PRKAG2: variants seen among roughly 807,000 people sequenced by gnomAD.
The protein encoded by PRKAG2 is protein kinase AMP-activated non-catalytic subunit gamma 2.
A neutral mutation model predicts 69.6 loss-of-function variants in PRKAG2; 26 were observed. The observed-to-expected ratio is 0.37, with a 90% CI of 0.27 to 0.52. PRKAG2 has a LOEUF of 0.52. Ranked by LOEUF, PRKAG2 falls within the 20% of genes least tolerant of loss-of-function variation. PRKAG2 has a pLI of 0.90. For missense variants in PRKAG2, 557 were observed against 740.0 expected (o/e 0.75, Z 2.87); for synonymous variants, 293 against 285.0 (o/e 1.03, Z -0.28).
At chr7:151,824,125 A>C (rs2078855443) in intron 1 of PRKAG2, among the ~76,000 whole-genome samples, 1 of 152,228 alleles carries the variant, frequency 6.6e-6, no homozygotes, top group Non-Finnish European at 1.5e-5. Flanking sequence ...CTTTTGATTT[A>C]AAGTAAACTG....
At position 151,557,098 on chromosome 7, in the gene PRKAG2, C is replaced by G. The variant is rs1480265508; in HGVS notation, c.*103G>C. On this transcript the variant is annotated 3_prime_UTR_variant, in exon 16 of 16. Coordinates refer to ENST00000287878, the MANE Select transcript of PRKAG2 (RefSeq NM_016203.4). ...TGGAAGAAATACCTATTGTTAAACC[C>G]TGATATACATTCTTAACCACTTGCA... The G allele has an allele frequency of 5.7e-5, 89 of 1,553,214 alleles. 1 individual carries two copies. The highest frequency in any genetic ancestry group is 7.5e-5 in the Non-Finnish European group (84 of 1,125,250).
intron 1 of PRKAG2, among the ~76,000 whole-genome samples, chr7:151,821,617 T>TC (rs397737037): frequency 3.9e-5 from 6 of 152,112 alleles, no homozygotes; most frequent in Non-Finnish European, 8.8e-5. Context: ...CCATTTTTTT[T>TC]CTACAAATTG....
intron 3 of PRKAG2, among the ~76,000 whole-genome samples, chr7:151,760,412 T>A (rs12703152): frequency 0.17 from 26,201 of 152,162 alleles, 2,491 homozygotes; most frequent in South Asian, 0.27. Flanking sequence ...TTTTGTATTT[T>A]TAGTAGAGAC....
At chr7:151,702,207 G>C (rs975868739) in intron 3 of PRKAG2, among the ~76,000 whole-genome samples, 4 of 152,328 alleles carry the variant, frequency 2.6e-5, no homozygotes, top group Non-Finnish European at 5.9e-5. Flanking sequence ...TAAGAAAGAA[G>C]CAAAGGTTAA....
rs1387223223 is a variant in PRKAG2, at chr7:151,874,023, TG to T, written c.114+2483del. On this transcript the variant is annotated intron_variant, in intron 1 of 15. Coordinates refer to ENST00000287878, the MANE Select transcript of PRKAG2 (RefSeq NM_016203.4). ...ATGTATATGTATAAGTATATGTATA[TG>T]ATGTATATGTATATGATGTATATGT... Among the ~76,000 whole-genome samples, 42 of 131,594 alleles carry T rather than the reference TG, an allele frequency of 3.2e-4. No individual in the cohort carries two copies. In the South Asian group the frequency reaches 4.7e-3, roughly 15 times the overall value. 86.3% of individuals were successfully genotyped at this position (131,594 alleles called of 152,430 possible).
intron 1 of PRKAG2, among the ~76,000 whole-genome samples, chr7:151,858,201 G>A (rs1018430120): frequency 6.6e-6 from 1 of 152,102 alleles, no homozygotes; most frequent in Admixed American, 6.5e-5. Context: ...GAGACTGTGG[G>A]GCAGCCCAGC....
Position 151,828,279 on chromosome 7 carries a change from G to A in PRKAG2, c.115-41738C>T, listed in dbSNP as rs2078952170. 1.3e-5 allele frequency among the ~76,000 whole-genome samples: 2 copies of A among 152,206 alleles called. No individual in the cohort carries two copies. Among genetic ancestry groups the A allele is most frequent in the Admixed American group, 1.3e-4 (2 of 15,280 alleles). The stretch of plus-strand genomic sequence containing the variant: ...GTGGCATTCTGGGGGTTTTCAGAGA[G>A]TCCTGTAATGGATATCAAATCCTAG... On this transcript the variant is annotated intron_variant, in intron 1 of 15. Transcript: ENST00000287878. This position sits in a 1 kb window ranked among gnomAD's most constrained non-coding sequence, Gnocchi z 4.6.
chr7:151,562,833 T>C (rs1244137400), intron 14 of PRKAG2, among the ~76,000 whole-genome samples: 1 of 114,856 alleles, frequency 8.7e-6, no homozygotes, highest in Non-Finnish European at 1.8e-5. Flanking sequence ...CGGGCGCCTG[T>C]AGTCCCAGCT....
intron 3 of PRKAG2, among the ~76,000 whole-genome samples, chr7:151,763,773 C>T (rs1396690556): frequency 1.3e-5 from 2 of 152,246 alleles, no homozygotes; most frequent in Non-Finnish European, 2.9e-5. Context: ...CTGTCTGTCT[C>T]CAGATGCCGT....
At chr7:151,601,025 G>C (rs1815930590) in intron 5 of PRKAG2, among the ~76,000 whole-genome samples, 2 of 152,152 alleles carry the variant, frequency 1.3e-5, no homozygotes, top group African/African-American at 4.8e-5. Context: ...CTCTGTCCCA[G>C]GCTCCAGTAG....
At chr7:151,663,626 C>T (rs1047321421) in intron 4 of PRKAG2, among the ~76,000 whole-genome samples, 8 of 152,366 alleles carry the variant, frequency 5.3e-5, no homozygotes, top group Middle Eastern at 3.4e-3. Context: ...TCCTAGACCG[C>T]TGGGATTACA....
At chr7:151,596,678 G>A (rs1348160437) in intron 5 of PRKAG2, among the ~76,000 whole-genome samples, 1 of 152,186 alleles carries the variant, frequency 6.6e-6, no homozygotes, top group Non-Finnish European at 1.5e-5. Flanking sequence ...GAACCTGGGA[G>A]GCGGAGGTTG....
At chr7:151,731,572 T>C (rs1360006973) in intron 3 of PRKAG2, among the ~76,000 whole-genome samples, 1 of 151,840 alleles carries the variant, frequency 6.6e-6, no homozygotes, top group East Asian at 1.9e-4. Flanking sequence ...CGAGTGTGTA[T>C]CTCTTGACCC....
intron 5 of PRKAG2, among the ~76,000 whole-genome samples, chr7:151,612,331 A>G (rs886651349): frequency 2.0e-5 from 3 of 152,042 alleles, no homozygotes; most frequent in Non-Finnish European, 4.4e-5. Flanking sequence ...CCTTATCTGT[A>G]CTTGTGAAAT....
chr7:151,705,308 GA>G (rs1400186971), intron 3 of PRKAG2, among the ~76,000 whole-genome samples: 2 of 146,738 alleles, frequency 1.4e-5, no homozygotes, highest in Non-Finnish European at 3.0e-5. Context: ...CAACACCAAG[GA>G]AACAAGGGAT....
Position 151,632,483 on chromosome 7 carries a change from C to T in PRKAG2, c.685-345G>A, listed in dbSNP as rs1014783618. 4 of 821,950 alleles carry T rather than the reference C, an allele frequency of 4.9e-6. No homozygotes were observed. Among genetic ancestry groups the T allele is most frequent in the Non-Finnish European group, 5.9e-6 (4 of 681,672 alleles). The allele number at this position is 821,950 out of a possible 1,614,324, so 50.9% of individuals were successfully genotyped here. ...CAGCGCCTGGGCCCGGGGCGCCCCC[C>T]TCCGGCCGTGGCCCGCGTCCTCCCC... On this transcript the variant is annotated intron_variant, in intron 4 of 15. Transcript: ENST00000287878. This position sits in a 1 kb window ranked among gnomAD's most constrained non-coding sequence, Gnocchi z 4.2.
At position 151,780,526 on chromosome 7, in the gene PRKAG2, G is replaced by A. The variant is rs76176397; in HGVS notation, c.466+626C>T. Among the ~76,000 whole-genome samples, 5,692 of 152,250 alleles carry A rather than the reference G, an allele frequency of 0.037. 363 individuals are homozygous for A. Among genetic ancestry groups the A allele is most frequent in the African/African-American group, 0.13 (5,368 of 41,510 alleles). On this transcript the variant is annotated intron_variant, in intron 3 of 15. Coordinates refer to ENST00000287878, the MANE Select transcript of PRKAG2 (RefSeq NM_016203.4). This position sits in a 1 kb window ranked among gnomAD's most constrained non-coding sequence, Gnocchi z 4.2. ...TCGTGGTATATTTCATATTATCATC[G>A]ACGGCGCTCAAATGAAAATACCTTA...
intron 3 of PRKAG2, among the ~76,000 whole-genome samples, chr7:151,744,184 G>A (rs1200888146): frequency 6.6e-6 from 1 of 152,162 alleles, no homozygotes; most frequent in African/African-American, 2.4e-5. Flanking sequence ...CCAGACTCCG[G>A]TGACCCAAAA....
intron 1 of PRKAG2, among the ~76,000 whole-genome samples, chr7:151,831,461 A>G (rs73160040): frequency 0.24 from 37,189 of 152,096 alleles, 4,862 homozygotes; most frequent in Middle Eastern, 0.29. Flanking sequence ...TCGTTACGTG[A>G]AAGAAGTCAT....
Sources: gnomAD v4.1 joint callset for allele counts (sites outside exome capture counted in the v4.1 genomes callset) on GRCh38, gnomAD v4.1.1 for gene constraint, Gnocchi (gnomAD v3.1) non-coding constraint, MANE v1.5 for transcripts, NCBI Gene and HGNC (gene_info 2026-07-23, HGNC 2026-07-21) for gene names.